Variants in PDIA3 observed in about 807,000 individuals in gnomAD.
PDIA3 encodes the protein protein disulfide isomerase family A member 3.
Under a neutral mutation model 56.9 loss-of-function variants are expected in PDIA3, and 16 were observed. That is an observed-to-expected ratio of 0.28 (90% CI 0.19 to 0.43). PDIA3 has a LOEUF of 0.43. PDIA3 is among the 20% of genes least tolerant of loss of function. The probability of loss-of-function intolerance (pLI) is 1.00; values close to 1 mark genes in which losing one functional copy is unlikely to be tolerated. For synonymous variants in PDIA3, 192 were observed against 216.5 expected (o/e 0.89, Z 0.99); for missense variants, 485 against 621.3 (o/e 0.78, Z 2.33).
intron 1 of PDIA3, 96 bp from the exon 2 acceptor site, chr15:43,753,728 A>G (rs1464819308): frequency 5.8e-6 from 5 of 858,910 alleles, no homozygotes; most frequent in African/African-American, 1.7e-5. Context: ...TACTAGCTCA[A>G]AGGTAGTATT....
In PDIA3 at chr15:43,746,585, C is replaced by G. The variant is rs1243955723; in HGVS notation, c.46C>G (p.Leu16Val). The change falls in exon 1 of 13, where the codon CTT becomes GTT. Residue 16 changes from leucine to valine, a missense_variant. Coordinates refer to ENST00000300289, the MANE Select transcript of PDIA3 (RefSeq NM_005313.5). The part of the protein sequence containing the change: ...LALFPGVALL[L>V]AAARLAAASD... ...GCTGTTCCCGGGTGTGGCGCTGCTT[C>G]TTGCCGCGGCCCGCCTCGCCGCTGC... 8 of 1,611,986 alleles carry G rather than the reference C, an allele frequency of 5.0e-6. No homozygotes were observed. The highest frequency in any genetic ancestry group is 2.2e-5 in the East Asian group (1 of 44,862).
At position 43,753,871 on chromosome 15, in the gene PDIA3, C is replaced by A. The variant is rs996969763; in HGVS notation, c.215C>A (p.Thr72Asn). 20 of 1,613,178 alleles carry A rather than the reference C, an allele frequency of 1.2e-5. No individual in the cohort carries two copies. Among genetic ancestry groups the A allele is most frequent in the African/African-American group, 5.3e-5 (4 of 74,864 alleles). The change falls in exon 2 of 13, where the codon ACC becomes AAC. Residue 72 changes from threonine (T) to asparagine (N), a missense_variant. Physicochemically the swap from Thr to Asn is moderately conservative, Grantham distance 65 (BLOSUM62 0). Transcript: ENST00000300289. ...GCACCTGAGTATGAAGCTGCAGCTA[C>A]CAGATTAAAAGGAATAGTCCCATTA... Reference protein sequence around the residue: ...RLAPEYEAAATRLKGIVPLAK... With the variant: ...RLAPEYEAAANRLKGIVPLAK...
chr15:43,746,864 C>A, intron 1 of PDIA3, 158 bp downstream of exon 1: 2 of 818,934 alleles, frequency 2.4e-6, no homozygotes, highest in Non-Finnish European at 1.9e-6. Flanking sequence ...GGAGGCGCCT[C>A]GCCGAGAGCG....
In PDIA3 at chr15:43,765,448, AG is replaced by A; in HGVS notation, c.605del. On this transcript the variant is annotated splice_acceptor_variant, in intron 5 of 12. Transcript: ENST00000300289. LOFTEE classifies it high-confidence loss of function. ...CTGAGACTTTTCTTTTTTTTTTTTA[AG>A]GGGTATCATCTTATTTCGTCCTTCA... 6.7e-7 allele frequency: 1 copy of A among 1,492,362 alleles called. No homozygotes were observed. Among genetic ancestry groups the A allele is most frequent in the Non-Finnish European group, 9.3e-7 (1 of 1,077,580 alleles). 92.4% of individuals were successfully genotyped at this position (1,492,362 alleles called of 1,614,324 possible).
chr15:43,771,344 C>CTGAATCCTGTTAAATTTTCTCTA lies in PDIA3; in HGVS notation c.*127_*149dup. On this transcript the variant is annotated 3_prime_UTR_variant, in exon 13 of 13. Coordinates refer to ENST00000300289, the MANE Select transcript of PDIA3 (RefSeq NM_005313.5). ...GCCGAGAGGACAGAATGGATATAAT[C>CTGAATCCTGTTAAATTTTCTCTA]TGAATCCTGTTAAATTTTCTCTAAA... 1 of 572,518 alleles carries CTGAATCCTGTTAAATTTTCTCTA rather than the reference C, an allele frequency of 1.7e-6. No individual in the cohort carries two copies. Among genetic ancestry groups the CTGAATCCTGTTAAATTTTCTCTA allele is most frequent in the Non-Finnish European group, 3.1e-6 (1 of 325,510 alleles). 35.5% of individuals were successfully genotyped at this position (572,518 alleles called of 1,614,324 possible).
At chr15:43,757,721 G>T (rs1021220247) in intron 3 of PDIA3, among the ~76,000 whole-genome samples, 6 of 152,004 alleles carry the variant, frequency 3.9e-5, no homozygotes, top group African/African-American at 1.4e-4. Flanking sequence ...TTAGCACTGG[G>T]CGTGGTGGCA....
At chr15:43,756,063 G>A (rs1471966071) in intron 2 of PDIA3, among the ~76,000 whole-genome samples, 2 of 152,116 alleles carry the variant, frequency 1.3e-5, no homozygotes, top group Non-Finnish European at 2.9e-5. Context: ...TATATGCAAA[G>A]TACTTGTGCC....
chr15:43,753,953 AGTTT>A, intron 2 of PDIA3, 51 bp downstream of exon 2: 1 of 1,273,590 alleles, frequency 7.9e-7, no homozygotes, highest in East Asian at 2.3e-5. Flanking sequence ...TTTAAAAAGT[AGTTT>A]GTTGTCTCAG....
At chr15:43,760,126 C>T (rs772868105) in intron 3 of PDIA3, among the ~76,000 whole-genome samples, 1 of 151,832 alleles carries the variant, frequency 6.6e-6, no homozygotes, top group South Asian at 2.1e-4. Context: ...TAACAAGGCT[C>T]ATGCCTGAAA....
intron 2 of PDIA3, among the ~76,000 whole-genome samples, chr15:43,754,485 G>A (rs1320084787): frequency 6.6e-6 from 1 of 151,858 alleles, no homozygotes; most frequent in Non-Finnish European, 1.5e-5. Flanking sequence ...CCTCACAGCT[G>A]TAATTCCAGC....
In PDIA3 at chr15:43,766,883, A is replaced by C; in HGVS notation, c.1001A>C (p.Glu334Ala). 1 of 1,614,172 alleles carries C rather than the reference A, an allele frequency of 6.2e-7. No individual in the cohort carries two copies. Among genetic ancestry groups the C allele is most frequent in the Non-Finnish European group, 8.5e-7 (1 of 1,180,010 alleles). Residue 334 changes from glutamate (E) to alanine (A), a missense_variant, in exon 8 of 13, where the codon GAG becomes GCG. By Grantham distance (107) the Glu-to-Ala change is moderately radical. Coordinates refer to ENST00000300289, the MANE Select transcript of PDIA3 (RefSeq NM_005313.5). ...GTTGCTATCAGAACTGCTAAAGGAG[A>C]GAAGTTTGTCATGCAGGAGGAGTTC... The part of the protein sequence containing the change: ...PVVAIRTAKG[E>A]KFVMQEEFSR...
chr15:43,757,405 A>C (rs2086785350), intron 3 of PDIA3, among the ~76,000 whole-genome samples: 1 of 151,118 alleles, frequency 6.6e-6, no homozygotes. Flanking sequence ...AAAAATACAA[A>C]AAATTAGCCG....
At chr15:43,767,057 T>C in intron 8 of PDIA3, 147 bp downstream of exon 8, 2 of 758,308 alleles carry the variant, frequency 2.6e-6, no homozygotes, top group Non-Finnish European at 4.3e-6. Flanking sequence ...AATTTAAATA[T>C]AGGTACTTTA....
chr15:43,769,232 G>C (rs1290755061), intron 9 of PDIA3, among the ~76,000 whole-genome samples: 4 of 152,168 alleles, frequency 2.6e-5, no homozygotes, highest in Non-Finnish European at 5.9e-5. Flanking sequence ...TGGACTGCAG[G>C]CATGTGCCAC....
Position 43,763,781 on chromosome 15 carries a change from TA to T in PDIA3, c.602+576del, listed in dbSNP as rs147246472. Among the ~76,000 whole-genome samples, 391 of 151,016 alleles carry T rather than the reference TA, an allele frequency of 2.6e-3. 8 individuals are homozygous for T. The East Asian group carries it at 0.055, about 21-fold the overall frequency. ...GGAGTGTTTTTTTCTTCTTATGGGG[TA>T]GGGGGGTAATATCAGAAATATTCAT... is the stretch of plus-strand genomic sequence containing the variant. On this transcript the variant is annotated intron_variant, in intron 5 of 12. Coordinates refer to ENST00000300289, the MANE Select transcript of PDIA3 (RefSeq NM_005313.5).
Position 43,772,873 on chromosome 15 carries a change from A to G in PDIA3, c.*1655A>G. On this transcript the variant is annotated 3_prime_UTR_variant, in exon 13 of 13. Coordinates refer to ENST00000300289, the MANE Select transcript of PDIA3 (RefSeq NM_005313.5). ...GACTTGGCTGAACTAAAGGTAAAAA[A>G]GCCAAGCCTCTGTCACTTTTCCTAG... The G allele has an allele frequency of 2.8e-6, 1 of 354,920 alleles. No individual in the cohort carries two copies. Among genetic ancestry groups the G allele is most frequent in the Non-Finnish European group, 5.0e-6 (1 of 199,274 alleles). 22.0% of individuals were successfully genotyped at this position (354,920 alleles called of 1,614,324 possible). A position where few individuals can be genotyped will look rare whatever the true frequency, so the allele number is the denominator to read the frequency against.
In PDIA3 at chr15:43,770,297, C is replaced by T. The variant is rs749644469; in HGVS notation, c.1314C>T (p.Ala438=). ...TCATAGCCAAGATGGATGCCACAGCCAATGATGTGCCTTCTCCATATGAAG... is the reference window on the plus strand; with the variant it reads ...TCATAGCCAAGATGGATGCCACAGCTAATGATGTGCCTTCTCCATATGAAG... The part of the protein sequence containing the change: ...NIVIAKMDAT[A]NDVPSPYEVR... The change falls in exon 11 of 13, where the codon GCC becomes GCT. Residue 438 remains alanine (A), a synonymous_variant. Transcript: ENST00000300289. 24 of 1,613,914 alleles carry T rather than the reference C, an allele frequency of 1.5e-5. No homozygotes were observed. In the South Asian group the frequency reaches 2.5e-4, roughly 17 times the overall value.
chr15:43,748,771 G>A (rs1217414821), intron 1 of PDIA3, among the ~76,000 whole-genome samples: 2 of 144,364 alleles, frequency 1.4e-5, no homozygotes, highest in Non-Finnish European at 3.0e-5. Flanking sequence ...GTGTGTTTGT[G>A]TATTTTTTTT....
intron 3 of PDIA3, among the ~76,000 whole-genome samples, chr15:43,757,817 G>A (rs533330758): frequency 6.0e-4 from 90 of 150,690 alleles, no homozygotes; most frequent in Non-Finnish European, 1.2e-3. Context: ...AGCCAAGATT[G>A]TGTCACAGCA....
Sources: allele counts gnomAD v4.1 joint callset (sites outside exome capture counted in the v4.1 genomes callset), GRCh38; gene constraint gnomAD v4.1.1; transcripts MANE v1.5; gene names NCBI Gene and HGNC (gene_info 2026-07-23, HGNC 2026-07-21).